Variants in SLC2A9 observed in about 807,000 individuals in gnomAD.
The protein encoded by SLC2A9 is solute carrier family 2, facilitated glucose transporter member 9.
Under a neutral mutation model 50.6 loss-of-function variants are expected in SLC2A9, and 39 were observed. The observed-to-expected ratio is 0.77, with a 90% CI of 0.60 to 1.01. SLC2A9 has a LOEUF of 1.01. SLC2A9 is among the 50% of genes least tolerant of loss of function. The pLI is 0.00. For missense variants in SLC2A9, 686 were observed against 677.6 expected (o/e 1.01, Z -0.14); for synonymous variants, 324 against 276.9 (o/e 1.17, Z -1.69).
intron 6 of SLC2A9, among the ~76,000 whole-genome samples, chr4:9,931,981 TATATATATATATA>T (rs1455547432): frequency 3.5e-5 from 4 of 115,510 alleles, no homozygotes; most frequent in Non-Finnish European, 7.1e-5. Context: ...TATATATATA[TATATATATATATA>T]TATATGCCTT....
chr4:9,804,822 C>A (rs771703146), intron 3 of SLC2A9, among the ~76,000 whole-genome samples: 1 of 152,118 alleles, frequency 6.6e-6, no homozygotes, highest in Non-Finnish European at 1.5e-5. Flanking sequence ...AGGGTAGAGT[C>A]CACTCATGAC....
At chr4:9,953,396 C>T (rs1399257402) in intron 5 of SLC2A9, among the ~76,000 whole-genome samples, 1 of 152,222 alleles carries the variant, frequency 6.6e-6, no homozygotes, top group Non-Finnish European at 1.5e-5. Flanking sequence ...GCCAGGTGGG[C>T]CCAGATGTGG....
At chr4:9,818,924 C>T (rs1472605234) in intron 3 of SLC2A9, among the ~76,000 whole-genome samples, 1 of 151,742 alleles carries the variant, frequency 6.6e-6, no homozygotes, top group African/African-American at 2.4e-5. Context: ...AGATCGAGAC[C>T]ATCCTGGCTA....
intron 5 of SLC2A9, among the ~76,000 whole-genome samples, chr4:9,960,244 C>T (rs1447305984): frequency 2.0e-5 from 3 of 152,324 alleles, no homozygotes; most frequent in East Asian, 1.9e-4. Flanking sequence ...ACTCAGGCTC[C>T]GCTAAAACTG....
chr4:9,856,074 A>T (rs1730668391), intron 10 of SLC2A9, among the ~76,000 whole-genome samples: 1 of 152,236 alleles, frequency 6.6e-6, no homozygotes, highest in Admixed American at 6.5e-5. Context: ...TATGACAAAG[A>T]CGCCAAAAGC....
chr4:9,986,881 CCTTCAGGAG>C (rs1243443875), intron 3 of SLC2A9, among the ~76,000 whole-genome samples: 1 of 152,142 alleles, frequency 6.6e-6, no homozygotes, highest in East Asian at 1.9e-4. Context: ...CCAGCTCTAT[CCTTCAGGAG>C]CTAGGAGACT....
In SLC2A9 at chr4:9,908,236, G is replaced by A; in HGVS notation, c.1112C>T (p.Ser371Phe). 6.2e-7 allele frequency: 1 copy of A among 1,610,178 alleles called. No individual in the cohort carries two copies. The highest frequency in any genetic ancestry group is 8.5e-7 in the Non-Finnish European group (1 of 1,176,342). The change falls in exon 8 of 12, where the codon TCT becomes TTT. Residue 371 changes from serine (S) to phenylalanine (F), a missense_variant and splice_region_variant. Coordinates refer to ENST00000264784, the MANE Select transcript of SLC2A9 (RefSeq NM_020041.3). ...GGIETLAAVF[S>F]GLVIEHLGRR... is the part of the protein sequence containing the mutation. ...AGGAGTAACCCTCAGTTGACTTACAGAGAAGACGGCAGCCAAAGTCTCGAT... is the reference window on the plus strand; with the variant it reads ...AGGAGTAACCCTCAGTTGACTTACAAAGAAGACGGCAGCCAAAGTCTCGAT...
intron 1 of SLC2A9, among the ~76,000 whole-genome samples, chr4:10,020,959 C>T (rs1379429351): frequency 1.3e-5 from 2 of 152,210 alleles, no homozygotes; most frequent in Non-Finnish European, 2.9e-5. Flanking sequence ...TGCTGCTGCC[C>T]GTGCCATGCC....
chr4:9,871,960 G>C (rs910220144), intron 10 of SLC2A9, among the ~76,000 whole-genome samples: 2 of 152,244 alleles, frequency 1.3e-5, no homozygotes, highest in African/African-American at 4.8e-5. Context: ...GCTCAGGAAA[G>C]TGGCTTGGGC....
intron 3 of SLC2A9, 134 bp downstream of exon 3, chr4:9,996,647 T>C: frequency 9.0e-7 from 1 of 1,115,674 alleles, no homozygotes; most frequent in Admixed American, 2.1e-5. Context: ...TCTTCCCCTT[T>C]CCCCTTTGGG....
At chr4:9,824,783 C>T (rs148805490), downstream of SLC2A9, among the ~76,000 whole-genome samples, 4 of 152,258 alleles carry the variant, frequency 2.6e-5, no homozygotes, top group East Asian at 5.8e-4. Flanking sequence ...AAAGAGAACA[C>T]CAAAAAGCTA....
chr4:9,802,147 G>A (rs1236688385), intron 3 of SLC2A9, among the ~76,000 whole-genome samples: 2 of 152,150 alleles, frequency 1.3e-5, no homozygotes, highest in African/African-American at 4.8e-5. Context: ...TTGTTTACTC[G>A]GTACCGAACC....
chr4:10,001,863 C>A (rs1436317205), intron 2 of SLC2A9, among the ~76,000 whole-genome samples: 2 of 152,232 alleles, frequency 1.3e-5, no homozygotes, highest in African/African-American at 4.8e-5. Context: ...GCCTCAGAAT[C>A]CTGAGTGGGG....
chr4:9,789,862 T>C (rs1261201945), intron 3 of SLC2A9, among the ~76,000 whole-genome samples: 1 of 152,246 alleles, frequency 6.6e-6, no homozygotes, highest in Non-Finnish European at 1.5e-5. Context: ...GATTCTCTTC[T>C]AAGACCATTC....
chr4:9,798,227 T>C (rs1192808084), downstream of SLC2A9, among the ~76,000 whole-genome samples: 3 of 152,206 alleles, frequency 2.0e-5, no homozygotes, highest in Non-Finnish European at 2.9e-5. Flanking sequence ...CATTGTCTTA[T>C]CTTCTGAGAA....
Position 9,890,600 on chromosome 4 carries a change from A to G in SLC2A9, c.1215+10T>C. The G allele has an allele frequency of 1.9e-6, 3 of 1,613,628 alleles. No homozygotes were observed. The highest frequency in any genetic ancestry group is 1.1e-5 in the South Asian group (1 of 91,056). On this transcript the variant is annotated intron_variant, in intron 9 of 11. Transcript: ENST00000264784. The stretch of plus-strand genomic sequence containing the variant: ...TATCTCCCTCAAATGTGACAAGAAC[A>G]TCGTCTCACCTGCAGGGTCAGCGTG...
chr4:9,790,997 G>C (rs1416923142), intron 3 of SLC2A9, among the ~76,000 whole-genome samples: 1 of 152,148 alleles, frequency 6.6e-6, no homozygotes, highest in Non-Finnish European at 1.5e-5. Context: ...AAAATAATTT[G>C]AATGTATAGT....
chr4:9,996,290 G>GT (rs1758641822), intron 3 of SLC2A9, among the ~76,000 whole-genome samples: 1 of 152,238 alleles, frequency 6.6e-6, no homozygotes, highest in Admixed American at 6.5e-5. Context: ...AAGCAGATCT[G>GT]TATGTACTTA....
chr4:9,988,729 A>G (rs1363641510), intron 3 of SLC2A9, among the ~76,000 whole-genome samples: 1 of 152,158 alleles, frequency 6.6e-6, no homozygotes, highest in Non-Finnish European at 1.5e-5. Context: ...TGAAACCCAG[A>G]AAGTCATCAG....
Sources: gnomAD v4.1 joint callset for allele counts (sites outside exome capture counted in the v4.1 genomes callset) on GRCh38, gnomAD v4.1.1 for gene constraint, MANE v1.5 for transcripts, NCBI Gene and HGNC (gene_info 2026-07-23, HGNC 2026-07-21) for gene names.